Variants in RAPGEF5 observed in about 807,000 individuals in gnomAD.
RAPGEF5 encodes the protein M-Ras-regulated GEF.
RAPGEF5 carries 65 observed loss-of-function variants against 125.2 expected under a neutral mutation model. The ratio of observed to expected loss-of-function variants is 0.52; its 90% CI spans 0.43 to 0.64. The LOEUF (loss-of-function observed/expected upper bound fraction) is 0.64. Among genes scored for constraint, RAPGEF5 ranks in the 30% least tolerant of loss-of-function variants. The pLI is 0.00. For missense variants in RAPGEF5, 958 were observed against 1,048.1 expected, an observed-to-expected ratio of 0.91 and a Z score of 1.19; for synonymous variants, 391 against 385.9, an observed-to-expected ratio of 1.01 and a Z score of -0.16.
At chr7:22,310,774 G>A (rs1268806119) in intron 3 of RAPGEF5, among the ~76,000 whole-genome samples, 2 of 152,008 alleles carry the variant, frequency 1.3e-5, no homozygotes, top group Non-Finnish European at 2.9e-5. Flanking sequence ...AGCAGCCCAG[G>A]TCACATAACC....
intron 6 of RAPGEF5, among the ~76,000 whole-genome samples, chr7:22,277,968 G>A (rs796256643): frequency 6.6e-6 from 1 of 152,068 alleles, no homozygotes; most frequent in African/African-American, 2.4e-5. Flanking sequence ...TTCATGTTTG[G>A]GGGACCATTT....
intron 6 of RAPGEF5, among the ~76,000 whole-genome samples, chr7:22,281,551 T>C (rs1782674434): frequency 6.6e-6 from 1 of 152,200 alleles, no homozygotes; most frequent in Non-Finnish European, 1.5e-5. Context: ...CCTTCTATCC[T>C]TGTTCCAAAT....
chr7:22,264,705 A>T (rs1397985375), intron 7 of RAPGEF5, among the ~76,000 whole-genome samples: 1 of 152,056 alleles, frequency 6.6e-6, no homozygotes, highest in East Asian at 1.9e-4. Flanking sequence ...AAATCTCTAA[A>T]TCAGAGGCTT....
chr7:22,193,188 ACATGTGTC>A (rs950720146), intron 11 of RAPGEF5, 171 bp downstream of exon 11: 22 of 655,224 alleles, frequency 3.4e-5, no homozygotes, highest in Admixed American at 5.9e-5. Flanking sequence ...CTTGGGATCT[ACATGTGTC>A]CATTTATTGG....
chr7:22,256,144 C>T (rs1404736002), intron 7 of RAPGEF5, among the ~76,000 whole-genome samples: 1 of 152,144 alleles, frequency 6.6e-6, no homozygotes, highest in African/African-American at 2.4e-5. Context: ...CTACTTCCCC[C>T]TGCCATTCTC....
intron 12 of RAPGEF5, among the ~76,000 whole-genome samples, chr7:22,165,354 T>C (rs888615277): frequency 4.3e-4 from 66 of 152,288 alleles, no homozygotes; most frequent in Middle Eastern, 3.4e-3. Context: ...TATAAGTATA[T>C]TTTATATTAC....
chr7:22,177,031 T>G (rs1477932598), intron 11 of RAPGEF5, among the ~76,000 whole-genome samples: 1 of 152,236 alleles, frequency 6.6e-6, no homozygotes, highest in Non-Finnish European at 1.5e-5. Context: ...AACACACAGC[T>G]GCTTTCTTTC....
intron 1 of RAPGEF5, among the ~76,000 whole-genome samples, chr7:22,336,664 C>G (rs11771628): frequency 0.099 from 15,065 of 152,100 alleles, 775 homozygotes; most frequent in South Asian, 0.17. Context: ...CACAGAAGTT[C>G]GTGCCATTTG....
chr7:22,245,592 G>T (rs190184136), intron 7 of RAPGEF5, among the ~76,000 whole-genome samples: 56 of 152,080 alleles, frequency 3.7e-4, no homozygotes, highest in African/African-American at 1.3e-3. Flanking sequence ...TCAAGTCCAT[G>T]TTGAAGGCAC....
At chr7:22,227,960 A>G (rs1785960500) in intron 8 of RAPGEF5, among the ~76,000 whole-genome samples, 1 of 152,210 alleles carries the variant, frequency 6.6e-6, no homozygotes, top group Admixed American at 6.5e-5. Context: ...TTATCCTATA[A>G]TACAGTGAAG....
chr7:22,211,613 C>A lies in RAPGEF5; in HGVS notation c.996+8253G>T, dbSNP rs118085974. On this transcript the variant is annotated intron_variant, in intron 9 of 25. Coordinates refer to ENST00000665637, the MANE Select transcript of RAPGEF5 (RefSeq NM_012294.5). ...TGCTGGTTACTACTTAATGTGAAAT[C>A]GACAGAGAGGACTGTGAGGGAAGTG... is the stretch of plus-strand genomic sequence containing the variant. 3.4e-3 allele frequency among the ~76,000 whole-genome samples: 513 copies of A among 152,278 alleles called. 5 individuals are homozygous for A. The highest frequency in any genetic ancestry group is 0.024 in the East Asian group (125 of 5,180).
At chr7:22,265,653 A>T (rs570064343) in intron 7 of RAPGEF5, among the ~76,000 whole-genome samples, 16 of 148,190 alleles carry the variant, frequency 1.1e-4, no homozygotes, top group South Asian at 8.9e-4. Context: ...GAACCTCCAT[A>T]CTGTTTCCCA....
intron 7 of RAPGEF5, among the ~76,000 whole-genome samples, chr7:22,231,758 T>C (rs893471824): frequency 6.6e-6 from 1 of 152,210 alleles, no homozygotes; most frequent in Non-Finnish European, 1.5e-5. Context: ...TCTTCTGTTT[T>C]AACAAATATT....
intron 9 of RAPGEF5, among the ~76,000 whole-genome samples, chr7:22,202,025 A>C (rs1785290025): frequency 6.6e-6 from 1 of 152,242 alleles, no homozygotes; most frequent in Admixed American, 6.5e-5. Context: ...GCTCAAGGTC[A>C]AGGACAGAGA....
chr7:22,276,611 C>A (rs979542073), intron 6 of RAPGEF5, among the ~76,000 whole-genome samples: 1 of 152,196 alleles, frequency 6.6e-6, no homozygotes, highest in Admixed American at 6.5e-5. Context: ...GCTAGAAATT[C>A]TACGCATAAA....
At chr7:22,146,731 T>A (rs920403336) in intron 19 of RAPGEF5, among the ~76,000 whole-genome samples, 166 bp downstream of exon 19, 7 of 152,234 alleles carry the variant, frequency 4.6e-5, no homozygotes, top group Non-Finnish European at 8.8e-5. Flanking sequence ...TCACATATTC[T>A]GATTTTTTTA....
intron 8 of RAPGEF5, chr7:22,220,209 A>C (rs1460050940): frequency 3.8e-6 from 2 of 526,656 alleles, no homozygotes; most frequent in Non-Finnish European, 6.7e-6. Flanking sequence ...GTATCACCCT[A>C]CTTTAAGAGG....
At chr7:22,350,143 T>C (rs143769715) in intron 1 of RAPGEF5, among the ~76,000 whole-genome samples, 1 of 147,770 alleles carries the variant, frequency 6.8e-6, no homozygotes, top group Non-Finnish European at 1.5e-5. Context: ...AAGATTGTTA[T>C]GCAGTATTGA....
intron 7 of RAPGEF5, among the ~76,000 whole-genome samples, chr7:22,250,665 GA>G (rs1238420572): frequency 1.3e-5 from 2 of 151,116 alleles, no homozygotes; most frequent in African/African-American, 2.4e-5. Context: ...TCCCCGGGGG[GA>G]AAAAAAGGCC....
Sources: allele counts gnomAD v4.1 joint callset (sites outside exome capture counted in the v4.1 genomes callset), GRCh38; gene constraint gnomAD v4.1.1; transcripts MANE v1.5; gene names NCBI Gene and HGNC (gene_info 2026-07-23, HGNC 2026-07-21).